C8B: variants seen among roughly 807,000 people sequenced by gnomAD.
The protein encoded by C8B is complement component C8 beta chain.
A neutral mutation model predicts 64.6 loss-of-function variants in C8B; 67 were observed. The ratio of observed to expected loss-of-function variants is 1.04; its 90% CI spans 0.85 to 1.27. C8B has a LOEUF of 1.27. Among genes scored for constraint, C8B ranks in the 50% most tolerant of loss-of-function variants. The pLI, the probability that C8B is intolerant of heterozygous loss-of-function variation, is 0.00. For synonymous variants in C8B, 284 were observed against 257.7 expected (o/e 1.10, Z -0.98); for missense variants, 790 against 725.2 (o/e 1.09, Z -1.03).
rs570256981 is a variant in C8B, at chr1:56,933,634, C to T, written c.1399-146G>A. On this transcript the variant is annotated intron_variant, in intron 9 of 11. Transcript: ENST00000371237. ...AAACTAGATGGATCTCCCATCTTCT[C>T]TCTGCTTCCCCTTACCCGATATACA... 3.3e-5 allele frequency: 24 copies of T among 734,674 alleles called. No individual in the cohort carries two copies. The African/African-American group carries it at 4.0e-4, about 12-fold the overall frequency. The allele number at this position is 734,674 out of a possible 1,614,324, so 45.5% of individuals were successfully genotyped here. A position where few individuals can be genotyped will look rare whatever the true frequency, so the allele number is the denominator to read the frequency against.
chr1:56,929,303 C>T lies in C8B; in HGVS notation c.*101G>A, dbSNP rs1054067175. The stretch of plus-strand genomic sequence containing the variant: ...AGCTTGCATGGCACTGCCTTTTGCC[C>T]TTGCATGAACTCCAGGTGGAAACTG... On this transcript the variant is annotated 3_prime_UTR_variant, in exon 12 of 12. Coordinates refer to ENST00000371237, the MANE Select transcript of C8B (RefSeq NM_000066.4). 3.9e-6 allele frequency: 5 copies of T among 1,268,102 alleles called. No homozygotes were observed. Among genetic ancestry groups the T allele is most frequent in the Non-Finnish European group, 5.8e-6 (5 of 866,782 alleles). The allele number at this position is 1,268,102 out of a possible 1,614,324, so 78.6% of individuals were successfully genotyped here.
chr1:56,959,865 C>T (rs550726836), intron 2 of C8B, among the ~76,000 whole-genome samples, 155 bp downstream of exon 2: 1 of 152,338 alleles, frequency 6.6e-6, no homozygotes, highest in East Asian at 1.9e-4. Flanking sequence ...CTTATTGCTG[C>T]TTGGAAGCAC....
chr1:56,938,562 T>A (rs990364450), intron 9 of C8B, among the ~76,000 whole-genome samples: 3 of 152,220 alleles, frequency 2.0e-5, no homozygotes, highest in Non-Finnish European at 4.4e-5. Flanking sequence ...GTGTTCAAGA[T>A]CTCTTTATAT....
chr1:56,929,323 A>G lies in C8B; in HGVS notation c.*81T>C. 3 of 1,470,590 alleles carry G rather than the reference A, an allele frequency of 2.0e-6. No homozygotes were observed. Among genetic ancestry groups the G allele is most frequent in the Non-Finnish European group, 2.9e-6 (3 of 1,051,038 alleles). 91.1% of individuals were successfully genotyped at this position (1,470,590 alleles called of 1,614,324 possible). On this transcript the variant is annotated 3_prime_UTR_variant, in exon 12 of 12. Transcript: ENST00000371237. ...TTGCCCTTGCATGAACTCCAGGTGGAAACTGGTGTAGGGCTGAGCTGGCAT... is the reference window on the plus strand; with the variant it reads ...TTGCCCTTGCATGAACTCCAGGTGGGAACTGGTGTAGGGCTGAGCTGGCAT...
chr1:56,964,633 G>C (rs1043577174), intron 1 of C8B, among the ~76,000 whole-genome samples: 1 of 152,164 alleles, frequency 6.6e-6, no homozygotes, highest in African/African-American at 2.4e-5. Context: ...ATGCCCTGTA[G>C]AGCTGATCAT....
intron 1 of C8B, 138 bp from the exon 2 acceptor site, chr1:56,960,314 A>C: frequency 1.4e-6 from 1 of 734,110 alleles, no homozygotes; most frequent in Non-Finnish European, 2.3e-6. Flanking sequence ...AGGATAACCT[A>C]TCCTGGAATT....
At chr1:56,939,994 T>A (rs1644826872) in intron 9 of C8B, among the ~76,000 whole-genome samples, 1 of 142,540 alleles carries the variant, frequency 7.0e-6, no homozygotes, top group South Asian at 2.5e-4. Context: ...TGTTGTGATG[T>A]CTTGTCCTGT....
At chr1:56,959,370 A>G (rs548968090) in intron 2 of C8B, among the ~76,000 whole-genome samples, 2 of 152,380 alleles carry the variant, frequency 1.3e-5, no homozygotes, top group Non-Finnish European at 2.9e-5. Flanking sequence ...TACAAGGGTA[A>G]TAAGGAGCTA....
chr1:56,949,694 C>A lies in C8B; in HGVS notation c.725G>T (p.Arg242Leu), dbSNP rs369993264. 1.9e-6 allele frequency: 3 copies of A among 1,613,830 alleles called. No homozygotes were observed. The highest frequency in any genetic ancestry group is 2.2e-5 in the East Asian group (1 of 44,838). ...KEYESYSDFE[R>L]NVTEKMASKS... ...GCTTGCCATTTTCTCTGTGACATTG[C>A]GTTCAAAATCTGAGTATGATTCATA... The change falls in exon 6 of 12, where the codon CGC (arginine) becomes CTC (leucine). Residue 242 changes from arginine (R) to leucine (L), a missense_variant. Coordinates refer to ENST00000371237, the MANE Select transcript of C8B (RefSeq NM_000066.4).
At chr1:56,946,920 G>C (rs1222233339) in intron 6 of C8B, among the ~76,000 whole-genome samples, 9 of 152,124 alleles carry the variant, frequency 5.9e-5, no homozygotes, top group Admixed American at 4.6e-4. Context: ...TTGCCCTGGG[G>C]CCTCATTTTG....
intron 8 of C8B, among the ~76,000 whole-genome samples, chr1:56,943,094 T>TA (rs1251976062): frequency 6.6e-6 from 1 of 150,552 alleles, no homozygotes; most frequent in East Asian, 2.0e-4. Context: ...AAATAAAAAA[T>TA]AAAAAATAAA....
intron 6 of C8B, among the ~76,000 whole-genome samples, chr1:56,949,254 G>T (rs1216343146): frequency 1.3e-5 from 2 of 152,264 alleles, no homozygotes; most frequent in East Asian, 3.9e-4. Flanking sequence ...TAATGCTGTT[G>T]TTTCAGGAGA....
chr1:56,931,318 G>A (rs1259822630), intron 11 of C8B, among the ~76,000 whole-genome samples: 1 of 152,164 alleles, frequency 6.6e-6, no homozygotes, highest in Non-Finnish European at 1.5e-5. Flanking sequence ...ATGGGACATG[G>A]TCCCTACTCA....
intron 11 of C8B, chr1:56,931,534 A>C: frequency 2.5e-6 from 1 of 396,422 alleles, no homozygotes; most frequent in Non-Finnish European, 4.8e-6. Context: ...AAAGAGGGTA[A>C]GCATTCCAGA....
rs1000158849 is a variant in C8B at position 56,952,084 on chromosome 1, A to C, written c.630T>G (p.Phe210Leu). Residue 210 changes from phenylalanine to leucine, a missense_variant, in exon 5 of 12, where the codon TTT (phenylalanine) becomes TTG (leucine). Phe to Leu is a conservative substitution (Grantham distance 22, BLOSUM62 0). Transcript: ENST00000371237. ...CSPHYILNTR[F>L]RKPYNVESYT... ...AGCTTTCCACATTGTAGGGCTTCCT[A>C]AACCTCGTGTTCAGGATGTAATGCG... 4 of 1,614,012 alleles carry C rather than the reference A, an allele frequency of 2.5e-6. No homozygotes were observed. Among genetic ancestry groups the C allele is most frequent in the Admixed American group, 3.3e-5 (2 of 60,000 alleles).
intron 9 of C8B, among the ~76,000 whole-genome samples, chr1:56,939,754 A>G (rs1346146417): frequency 6.6e-6 from 1 of 152,180 alleles, no homozygotes; most frequent in African/African-American, 2.4e-5. Flanking sequence ...GAAAGTCTAG[A>G]GGGGAGGGAA....
intron 1 of C8B, among the ~76,000 whole-genome samples, chr1:56,960,413 TC>T (rs941555433): frequency 6.6e-6 from 1 of 152,232 alleles, no homozygotes; most frequent in African/African-American, 2.4e-5. Context: ...GGTTAATTAA[TC>T]CAACAAATAT....
At chr1:56,952,335 C>T (rs1645035101) in intron 4 of C8B, among the ~76,000 whole-genome samples, 155 bp from the exon 5 acceptor site, 1 of 152,200 alleles carries the variant, frequency 6.6e-6, no homozygotes, top group South Asian at 2.1e-4. Context: ...TCATTTATGG[C>T]CGCCCTTAAC....
chr1:56,946,952 C>T (rs1226352657), intron 6 of C8B, among the ~76,000 whole-genome samples: 1 of 152,214 alleles, frequency 6.6e-6, no homozygotes, highest in Non-Finnish European at 1.5e-5. Flanking sequence ...GCTCTCGCCC[C>T]ATTCTAGGCC....
Sources: gnomAD v4.1 joint callset for allele counts (sites outside exome capture counted in the v4.1 genomes callset) on GRCh38, gnomAD v4.1.1 for gene constraint, MANE v1.5 for transcripts, NCBI Gene and HGNC (gene_info 2026-07-23, HGNC 2026-07-21) for gene names.